Variants in SLC30A5 observed in about 807,000 individuals in gnomAD.
SLC30A5 encodes proton-coupled zinc antiporter SLC30A5.
A neutral mutation model predicts 79.6 loss-of-function variants in SLC30A5; 33 were observed. The observed-to-expected ratio is 0.41, with a 90% CI of 0.31 to 0.55. The LOEUF (loss-of-function observed/expected upper bound fraction) is 0.55, where lower values mean the gene tolerates loss of function less well. Among genes scored for constraint, SLC30A5 ranks in the 20% least tolerant of loss-of-function variants. The pLI is 0.20. For missense variants in SLC30A5, 788 were observed against 928.1 expected (o/e 0.85, Z 1.96); for synonymous variants, 299 against 319.7 (o/e 0.94, Z 0.69).
At position 69,094,223 on chromosome 5, in the gene SLC30A5, C is replaced by T; in HGVS notation, c.-33C>T. On this transcript the variant is annotated 5_prime_UTR_variant, in exon 1 of 16. Transcript: ENST00000396591. ...GGCGAGACATGAGGAGACCCCGCGA[C>T]AGGGGCAGCGGCGGCGGCTCGTGAG... 8.9e-7 allele frequency: 1 copy of T among 1,125,320 alleles called. No homozygotes were observed. The highest frequency in any genetic ancestry group is 4.0e-5 in the South Asian group (1 of 24,856). 69.7% of individuals were successfully genotyped at this position (1,125,320 alleles called of 1,614,324 possible). A position where few individuals can be genotyped will look rare whatever the true frequency, so the allele number is the denominator to read the frequency against.
Position 69,116,605 on chromosome 5 carries a change from A to G in SLC30A5, c.1281+3A>G. On this transcript the variant is annotated splice_donor_region_variant and intron_variant, in intron 10 of 15. Transcript: ENST00000396591. This position sits in a 1 kb window ranked among gnomAD's most constrained non-coding sequence, Gnocchi z 4.0. ...TTTACTTCTTGTGCTTGAATCTGGT[A>G]AGATTTTTAAATGTTAATTGACATA... The G allele has an allele frequency of 6.6e-7, 1 of 1,517,332 alleles. No homozygotes were observed. Among genetic ancestry groups the G allele is most frequent in the Non-Finnish European group, 8.8e-7 (1 of 1,131,250 alleles). The allele number at this position is 1,517,332 out of a possible 1,614,324, so 94.0% of individuals were successfully genotyped here.
rs570614291 is a variant in SLC30A5, at chr5:69,097,608, C to T, written c.84-3199C>T. 2.8e-4 allele frequency among the ~76,000 whole-genome samples: 42 copies of T among 152,308 alleles called. No homozygotes were observed. The South Asian group carries it at 8.7e-3, about 32-fold the overall frequency. ...TCAGCCTCCCCAGTATGTGAGATTG[C>T]AGATGTGCACCATCATGCCCAGTTC... On this transcript the variant is annotated intron_variant, in intron 1 of 15. Coordinates refer to ENST00000396591, the MANE Select transcript of SLC30A5 (RefSeq NM_022902.5).
chr5:69,108,404 T>C lies in SLC30A5; in HGVS notation c.415T>C (p.Leu139=). 6.2e-7 allele frequency: 1 copy of C among 1,613,974 alleles called. No homozygotes were observed. Among genetic ancestry groups the C allele is most frequent in the Non-Finnish European group, 8.5e-7 (1 of 1,179,896 alleles). The change falls in exon 5 of 16, where the codon TTG becomes CTG. Residue 139 remains leucine, a synonymous_variant. Transcript: ENST00000396591. ...TGTTGTCATTTCACTACTCAGTGTT[T>C]TGTTCACCAGTTCTGGAGGAGGACC... The part of the protein sequence containing the change: ...DIVVISLLSV[L]FTSSGGGPAK...
chr5:69,127,843 A>G (rs918061463), intron 14 of SLC30A5, among the ~76,000 whole-genome samples, 161 bp from the exon 15 acceptor site: 3 of 152,068 alleles, frequency 2.0e-5, no homozygotes, highest in African/African-American at 7.2e-5. Flanking sequence ...CTGGCTTCTC[A>G]TTATGGCTGG....
chr5:69,096,533 G>T (rs73119216), intron 1 of SLC30A5, among the ~76,000 whole-genome samples: 2,727 of 152,250 alleles, frequency 0.018, 81 homozygotes, highest in African/African-American at 0.061. Flanking sequence ...ATTCCAGGTT[G>T]CAAGAGTAAA....
intron 5 of SLC30A5, among the ~76,000 whole-genome samples, chr5:69,112,122 A>AC (rs1554053370): frequency 1.3e-5 from 2 of 151,896 alleles, no homozygotes; most frequent in Admixed American, 1.3e-4. Context: ...ACATGGTGAA[A>AC]CCCGTCTGTA....
chr5:69,114,860 TGTCTCAAAAAAAATAAAATAAA>T (rs1044345581), intron 7 of SLC30A5, among the ~76,000 whole-genome samples: 5 of 152,014 alleles, frequency 3.3e-5, no homozygotes, highest in Admixed American at 2.0e-4. Flanking sequence ...AGCGAAACTC[TGTCTCAAAAAAAATAAAATAAA>T]ATAATTATCA....
Position 69,129,567 on chromosome 5 carries a change from A to G in SLC30A5, c.2248A>G (p.Lys750Glu). ...TGFHDVLAMT[K>E]QMESMKYCKD... ...ATTTCATGATGTTCTGGCTATGACA[A>G]AACAAATGGAATCCATGAAATACTG... The change falls in exon 16 of 16, where the codon AAA becomes GAA. Residue 750 changes from lysine (K) to glutamate (E), a missense_variant. Lys to Glu is a moderately conservative substitution (Grantham distance 56). Transcript: ENST00000396591. The G allele has an allele frequency of 6.2e-7, 1 of 1,613,150 alleles. No homozygotes were observed.
At position 69,094,344 on chromosome 5, in the gene SLC30A5, G is replaced by C. The variant is rs969691677; in HGVS notation, c.83+6G>C. On this transcript the variant is annotated splice_donor_region_variant and intron_variant, in intron 1 of 15. Transcript: ENST00000396591. ...GTGGACGTACCCAGCGCTCGGTAAG[G>C]GACCGATCCGGAAGGCAGCGACCGG... is the stretch of plus-strand genomic sequence containing the variant. 8 of 1,246,858 alleles carry C rather than the reference G, an allele frequency of 6.4e-6. No homozygotes were observed. Among genetic ancestry groups the C allele is most frequent in the Middle Eastern group, 4.3e-4 (2 of 4,642 alleles). The allele number at this position is 1,246,858 out of a possible 1,614,324, so 77.2% of individuals were successfully genotyped here. A position where few individuals can be genotyped will look rare whatever the true frequency, so the allele number is the denominator to read the frequency against.
At chr5:69,106,575 G>A (rs1331756758) in intron 4 of SLC30A5, among the ~76,000 whole-genome samples, 1 of 152,084 alleles carries the variant, frequency 6.6e-6, no homozygotes. Context: ...TTGGGAAGCC[G>A]AGGTGGGCAG....
rs559177136 is a variant in SLC30A5 at position 69,094,028 on chromosome 5, T to C, written c.-228T>C. On this transcript the variant is annotated 5_prime_UTR_variant, in exon 1 of 16. Transcript: ENST00000396591. ...GGCTTGGCAACGTCCCTACCGCCGC[T>C]GCTTCCCGGGAACCTGGCGCCGCCG... 1.1e-3 allele frequency: 447 copies of C among 390,172 alleles called. No individual in the cohort carries two copies. The highest frequency in any genetic ancestry group is 1.6e-3 in the Admixed American group (36 of 22,440). The allele number at this position is 390,172 out of a possible 1,614,324, so 24.2% of individuals were successfully genotyped here. A position where few individuals can be genotyped will look rare whatever the true frequency, so the allele number is the denominator to read the frequency against.
In SLC30A5 at chr5:69,129,429, T is replaced by C; in HGVS notation, c.2128-18T>C. ...GCATTACTCTAAATGCTTCAAAATA[T>C]CTGGATTTTTATAACAGGTTACAGG... On this transcript the variant is annotated intron_variant, in intron 15 of 15. Transcript: ENST00000396591. 3 of 1,595,568 alleles carry C rather than the reference T, an allele frequency of 1.9e-6. No homozygotes were observed. Among genetic ancestry groups the C allele is most frequent in the Non-Finnish European group, 1.7e-6 (2 of 1,167,480 alleles).
intron 1 of SLC30A5, among the ~76,000 whole-genome samples, chr5:69,098,916 A>C (rs1043808460): frequency 9.8e-5 from 15 of 152,354 alleles, no homozygotes; most frequent in Middle Eastern, 3.4e-3. Flanking sequence ...CATATTTGTG[A>C]ATTTAGGCAT....
chr5:69,118,402 G>A, intron 11 of SLC30A5, 97 bp from the exon 12 acceptor site: 1 of 854,544 alleles, frequency 1.2e-6, no homozygotes, highest in South Asian at 1.8e-5. Flanking sequence ...TAATTACTTA[G>A]TAGTATGAAA....
Position 69,129,645 on chromosome 5 carries a change from TA to T in SLC30A5, c.*31del. The T allele has an allele frequency of 3.2e-6, 5 of 1,568,836 alleles. No individual in the cohort carries two copies. Among genetic ancestry groups the T allele is most frequent in the Non-Finnish European group, 4.3e-6 (5 of 1,156,794 alleles). ...TAACTCAAGAATTACCCCTGGAGAA[TA>T]AACAATGAAGATTAAATGACTCAGT... On this transcript the variant is annotated 3_prime_UTR_variant, in exon 16 of 16. Transcript: ENST00000396591.
At chr5:69,100,711 G>A (rs2111934933) in intron 1 of SLC30A5, 96 bp from the exon 2 acceptor site, 1 of 993,412 alleles carries the variant, frequency 1.0e-6, no homozygotes. Context: ...GTATATTTCT[G>A]TGGTTTCTGT....
chr5:69,113,033 G>A, intron 5 of SLC30A5, 107 bp from the exon 6 acceptor site: 1 of 852,102 alleles, frequency 1.2e-6, no homozygotes, highest in Non-Finnish European at 1.8e-6. Flanking sequence ...ATGCATTTTT[G>A]TAAATGCTTA....
chr5:69,121,435 A>C (rs1358306161), intron 12 of SLC30A5, among the ~76,000 whole-genome samples: 2 of 152,134 alleles, frequency 1.3e-5, no homozygotes, highest in African/African-American at 2.4e-5. Context: ...AACCAAGTAC[A>C]TACCATTCTT....
chr5:69,116,225 C>T lies in SLC30A5; in HGVS notation c.1072+11C>T, dbSNP rs1746369475. 2 of 1,555,746 alleles carry T rather than the reference C, an allele frequency of 1.3e-6. No individual in the cohort carries two copies. Among genetic ancestry groups the T allele is most frequent in the African/African-American group, 1.4e-5 (1 of 72,020 alleles). ...TATTCTTCATTTTGTGTAAGCATTC[C>T]CCCCTTTTTTTTATTTTAACAAATT... On this transcript the variant is annotated intron_variant, in intron 9 of 15. Coordinates refer to ENST00000396591, the MANE Select transcript of SLC30A5 (RefSeq NM_022902.5). The surrounding 1 kb of genome is among the most constrained non-coding windows in gnomAD (Gnocchi z 4.0).
Sources: allele counts gnomAD v4.1 joint callset (sites outside exome capture counted in the v4.1 genomes callset), GRCh38; gene constraint gnomAD v4.1.1; non-coding constraint Gnocchi (gnomAD v3.1); transcripts MANE v1.5; gene names NCBI Gene and HGNC (gene_info 2026-07-23, HGNC 2026-07-21).